Variants in LOXHD1 observed in about 807,000 individuals in gnomAD.
LOXHD1 encodes lipoxygenase homology PLAT domains 1, also known as lipoxygenase homology domain-containing protein 1.
LOXHD1 carries 205 observed loss-of-function variants against 248.2 expected under a neutral mutation model. The observed-to-expected ratio is 0.83, with a 90% CI of 0.74 to 0.93. LOXHD1 has a LOEUF of 0.93. Ranked by LOEUF, LOXHD1 falls within the 40% of genes least tolerant of loss-of-function variation. The pLI is 0.00. For synonymous variants in LOXHD1, 1,113 were observed against 1,162.8 expected (o/e 0.96, Z 0.87); for missense variants, 2,930 against 2,971.6 (o/e 0.99, Z 0.33).
intron 5 of LOXHD1, among the ~76,000 whole-genome samples, chr18:46,614,682 A>G (rs1568217516): frequency 6.6e-6 from 1 of 152,062 alleles, no homozygotes; most frequent in Non-Finnish European, 1.5e-5. Context: ...ACAAACCTGT[A>G]TGTTGTGCAC....
intron 19 of LOXHD1, 35 bp downstream of exon 19, chr18:46,560,048 T>TGCCGGCGC: frequency 8.2e-7 from 1 of 1,226,298 alleles, no homozygotes. Flanking sequence ...GTCTGGCCAC[T>TGCCGGCGC]CCCTCCCCAC....
rs190984547 is a variant in LOXHD1 at position 46,521,616 on chromosome 18, G to C, written c.5086-334C>G. Among the ~76,000 whole-genome samples the C allele has an allele frequency of 2.9e-3, 447 of 152,212 alleles. 1 individual carries two copies. The highest frequency in any genetic ancestry group is 0.01 in the African/African-American group (428 of 41,532). ...GAGGGCCTCATGGTGGGGAATGGTG[G>C]GCTGCTGAGAGATGAAGTCCTCAGT... On this transcript the variant is annotated intron_variant, in intron 32 of 40. Transcript: ENST00000642948.
chr18:46,493,722 C>A (rs1350367893), intron 37 of LOXHD1, among the ~76,000 whole-genome samples: 1 of 152,204 alleles, frequency 6.6e-6, no homozygotes, highest in African/African-American at 2.4e-5. Flanking sequence ...AGGTCTCAAT[C>A]TTTTCAGGCA....
intron 5 of LOXHD1, among the ~76,000 whole-genome samples, chr18:46,617,109 G>A (rs1046665182): frequency 2.6e-5 from 4 of 152,314 alleles, no homozygotes; most frequent in South Asian, 2.1e-4. Flanking sequence ...TTACTGGCAT[G>A]AAACCAATTT....
At chr18:46,627,819 G>A (rs2038764322) in intron 4 of LOXHD1, among the ~76,000 whole-genome samples, 1 of 152,136 alleles carries the variant, frequency 6.6e-6, no homozygotes, top group South Asian at 2.1e-4. Context: ...CTCTATAAAG[G>A]CCTCCTGATT....
chr18:46,646,438 T>C (rs951065538), intron 2 of LOXHD1, among the ~76,000 whole-genome samples: 3 of 152,148 alleles, frequency 2.0e-5, no homozygotes, highest in African/African-American at 7.2e-5. Context: ...TCAATGCTCT[T>C]TGAAGGCCTT....
chr18:46,508,862 A>C (rs1346568177), intron 35 of LOXHD1, among the ~76,000 whole-genome samples: 1 of 152,204 alleles, frequency 6.6e-6, no homozygotes, highest in Non-Finnish European at 1.5e-5. Flanking sequence ...GTTCTCATCA[A>C]AATGAGTGCA....
intron 37 of LOXHD1, among the ~76,000 whole-genome samples, chr18:46,498,054 G>A (rs1393387585): frequency 3.3e-5 from 5 of 152,204 alleles, no homozygotes; most frequent in African/African-American, 1.2e-4. Flanking sequence ...TCATGCCTAG[G>A]GGAATAATTG....
chr18:46,639,895 T>C, intron 3 of LOXHD1, 95 bp from the exon 4 acceptor site: 1 of 1,410,492 alleles, frequency 7.1e-7, no homozygotes, highest in Non-Finnish European at 9.7e-7. Context: ...CAAAGAGAGG[T>C]CCAATTATTC....
intron 28 of LOXHD1, among the ~76,000 whole-genome samples, chr18:46,531,450 G>A (rs2144246102): frequency 6.6e-6 from 1 of 151,846 alleles, no homozygotes; most frequent in African/African-American, 2.4e-5. Flanking sequence ...TGTGCATTTG[G>A]GCCTGCTCCA....
At chr18:46,602,969 G>A (rs2038361340) in intron 7 of LOXHD1, among the ~76,000 whole-genome samples, 2 of 152,240 alleles carry the variant, frequency 1.3e-5, no homozygotes, top group South Asian at 4.2e-4. Context: ...ATTCGAGTAT[G>A]TTTTTAAGTA....
rs1198533642 is a variant in LOXHD1 at position 46,601,381 on chromosome 18, T to A, written c.970A>T (p.Arg324Ter). 6.4e-7 allele frequency: 1 copy of A among 1,551,592 alleles called. No homozygotes were observed. Among genetic ancestry groups the A allele is most frequent in the Non-Finnish European group, 8.7e-7 (1 of 1,147,008 alleles). ...SKIYLVMYGA[R>*]GNKNSGKIFL... ...ATTTTCCCACTGTTCTTATTCCCTC[T>A]GGCCCCATACATGACCAAGTAGATT... The change falls in exon 8 of 41, where the codon AGA (arginine) becomes TGA (stop). Residue 324 changes from arginine to a stop codon, truncating the protein, a stop_gained. Transcript: ENST00000642948. LOFTEE classifies it high-confidence loss of function.
At position 46,564,372 on chromosome 18, in the gene LOXHD1, TA is replaced by T. The variant is rs2037595245; in HGVS notation, c.2438-1148del. Among the ~76,000 whole-genome samples the T allele has an allele frequency of 2.0e-5, 3 of 151,508 alleles. No homozygotes were observed. In the South Asian group the frequency reaches 6.2e-4, roughly 32 times the overall value. On this transcript the variant is annotated intron_variant, in intron 17 of 40. Coordinates refer to ENST00000642948, the MANE Select transcript of LOXHD1 (RefSeq NM_001384474.1). ...GATCCCCATCTCTACAAAAATAAAA[TA>T]AAAATAAAAATTGAGGGGTGTGGTG...
chr18:46,617,836 CA>C (rs1402906994), intron 5 of LOXHD1, among the ~76,000 whole-genome samples: 1 of 152,122 alleles, frequency 6.6e-6, no homozygotes, highest in African/African-American at 2.4e-5. Context: ...AGCAACATCC[CA>C]AAGTATAATT....
intron 2 of LOXHD1, among the ~76,000 whole-genome samples, chr18:46,644,081 CAT>C (rs2038997584): frequency 6.6e-6 from 1 of 152,166 alleles, no homozygotes; most frequent in Admixed American, 6.5e-5. Flanking sequence ...AAAAGGAACA[CAT>C]ATTGTTTCTG....
intron 20 of LOXHD1, 95 bp downstream of exon 20, chr18:46,559,353 C>A: frequency 6.5e-7 from 1 of 1,549,318 alleles, no homozygotes; most frequent in Non-Finnish European, 8.7e-7. Context: ...CACTGCCAAA[C>A]ACAGCAGCCA....
intron 29 of LOXHD1, among the ~76,000 whole-genome samples, chr18:46,528,133 A>G (rs554997719): frequency 6.6e-6 from 1 of 152,228 alleles, no homozygotes; most frequent in East Asian, 1.9e-4. Context: ...GTTTAAGGAG[A>G]CCCTTGATAA....
At chr18:46,501,218 G>C (rs1339690034) in intron 37 of LOXHD1, among the ~76,000 whole-genome samples, 1 of 152,198 alleles carries the variant, frequency 6.6e-6, no homozygotes, top group Non-Finnish European at 1.5e-5. Context: ...GTGGTCATTT[G>C]TGGACATATG....
chr18:46,498,188 C>G (rs2033996918), intron 37 of LOXHD1, among the ~76,000 whole-genome samples: 1 of 152,196 alleles, frequency 6.6e-6, no homozygotes, highest in Non-Finnish European at 1.5e-5. Context: ...TGTTAGGACT[C>G]TGGGCCACCC....
Sources: allele counts gnomAD v4.1 joint callset (sites outside exome capture counted in the v4.1 genomes callset), GRCh38; gene constraint gnomAD v4.1.1; transcripts MANE v1.5; gene names NCBI Gene and HGNC (gene_info 2026-07-23, HGNC 2026-07-21).